Variants in TIMELESS observed in about 807,000 individuals in gnomAD.
TIMELESS encodes the protein protein timeless homolog.
TIMELESS carries 124 observed loss-of-function variants against 164.3 expected under a neutral mutation model. That is an observed-to-expected ratio of 0.75 (90% CI 0.65 to 0.88). TIMELESS has a LOEUF of 0.88. Among genes scored for constraint, TIMELESS ranks in the 40% least tolerant of loss-of-function variants. TIMELESS has a pLI of 0.00. For missense variants in TIMELESS, 1,422 were observed against 1,491.4 expected (o/e 0.95, Z 0.77); for synonymous variants, 564 against 563.4 (o/e 1.00, Z -0.02).
At chr12:56,422,084 T>A (rs1466195291) in intron 20 of TIMELESS, 22 bp downstream of exon 20, 19 of 1,614,000 alleles carry the variant, frequency 1.2e-5, no homozygotes, top group Non-Finnish European at 1.6e-5. Flanking sequence ...TCATAAACTC[T>A]CCAGATCCCA....
intron 26 of TIMELESS, among the ~76,000 whole-genome samples, chr12:56,420,192 G>A (rs757397189): frequency 1.1e-4 from 17 of 150,966 alleles, no homozygotes; most frequent in Non-Finnish European, 2.1e-4. Flanking sequence ...AAGTATACAG[G>A]TTGTACCTAG....
At chr12:56,446,301 C>A (rs946945548) in intron 1 of TIMELESS, among the ~76,000 whole-genome samples, 1 of 152,180 alleles carries the variant, frequency 6.6e-6, no homozygotes, top group Non-Finnish European at 1.5e-5. Context: ...TCATAGTGAT[C>A]GTCTCTGAGA....
intron 6 of TIMELESS, 145 bp from the exon 7 acceptor site, chr12:56,432,669 G>T: frequency 8.6e-7 from 1 of 1,168,648 alleles, no homozygotes; most frequent in Non-Finnish European, 1.2e-6. Context: ...GCTTGGCCGG[G>T]CGCGGTGGCT....
chr12:56,447,920 A>G (rs1868392606), intron 1 of TIMELESS, among the ~76,000 whole-genome samples: 1 of 152,154 alleles, frequency 6.6e-6, no homozygotes, highest in South Asian at 2.1e-4. Flanking sequence ...GTACTGAGAT[A>G]TGAAAGAGGG....
chr12:56,421,451 GA>G lies in TIMELESS; in HGVS notation c.2767del (p.Ser923HisfsTer5), dbSNP rs1332052943. On this transcript the variant is annotated frameshift_variant, in exon 23 of 29. Coordinates refer to ENST00000553532, the MANE Select transcript of TIMELESS (RefSeq NM_003920.5). LOFTEE classifies it high-confidence loss of function. ...HIMKNITAKR[S>X]RARIVDKLLA... is the part of the protein sequence containing the mutation. Reference sequence around the variant, plus strand: ...GAGTTTATCCACTATTCGGGCCCGTGAGCGTTTGGCTGTGATATTCTTCATG... The same window carrying G: ...GAGTTTATCCACTATTCGGGCCCGTGGCGTTTGGCTGTGATATTCTTCATG... The G allele has an allele frequency of 6.2e-7, 1 of 1,614,080 alleles. No homozygotes were observed. Among genetic ancestry groups the G allele is most frequent in the Non-Finnish European group, 8.5e-7 (1 of 1,179,988 alleles).
intron 12 of TIMELESS, 44 bp downstream of exon 12, chr12:56,428,505 C>A (rs745870125): frequency 1.9e-6 from 3 of 1,609,708 alleles, no homozygotes; most frequent in Non-Finnish European, 2.6e-6. Flanking sequence ...ATTCTCATCA[C>A]GAGATGGGAC....
chr12:56,420,330 A>G (rs1254894705), intron 26 of TIMELESS, among the ~76,000 whole-genome samples: 1 of 152,026 alleles, frequency 6.6e-6, no homozygotes, highest in Non-Finnish European at 1.5e-5. Context: ...TATATTTTAA[A>G]AAGATAAATC....
At chr12:56,418,477 A>C (rs1881346697) in intron 26 of TIMELESS, 118 bp from the exon 27 acceptor site, 1 of 692,308 alleles carries the variant, frequency 1.4e-6, no homozygotes. Flanking sequence ...TGTGAACTCT[A>C]TTTATTATAA....
In TIMELESS at chr12:56,422,073, C is replaced by T. The variant is rs370871402; in HGVS notation, c.2524+33G>A. On this transcript the variant is annotated intron_variant, in intron 20 of 28. Transcript: ENST00000553532. Reference sequence around the variant, plus strand: ...AGGTCCCACAGCTCAAGCTGCCCTCCTCATAAACTCTCCAGATCCCAAGGC... The same window carrying T: ...AGGTCCCACAGCTCAAGCTGCCCTCTTCATAAACTCTCCAGATCCCAAGGC... The T allele has an allele frequency of 8.7e-6, 14 of 1,613,770 alleles. No individual in the cohort carries two copies. In the African/African-American group the frequency reaches 1.9e-4, roughly 22 times the overall value.
rs377123913 is a variant in TIMELESS, at chr12:56,432,221, AG to A, written c.687+147del. The A allele has an allele frequency of 1.0e-3, 826 of 810,922 alleles. 15 individuals carry two copies. In the South Asian group the frequency reaches 0.018, roughly 18 times the overall value. The allele number at this position is 810,922 out of a possible 1,614,324, so 50.2% of individuals were successfully genotyped here. On this transcript the variant is annotated intron_variant, in intron 7 of 28. Coordinates refer to ENST00000553532, the MANE Select transcript of TIMELESS (RefSeq NM_003920.5). ...AATCAAGGAAAGAAAACCATGAATA[AG>A]GGGGTACTACTGAACTCAAGACATG... is the stretch of plus-strand genomic sequence containing the variant.
At chr12:56,444,113 G>T (rs1028589172) in intron 1 of TIMELESS, among the ~76,000 whole-genome samples, 1 of 152,106 alleles carries the variant, frequency 6.6e-6, no homozygotes, top group Non-Finnish European at 1.5e-5. Context: ...GGCCAGGCTG[G>T]TCTGGAACAC....
At position 56,417,329 on chromosome 12, in the gene TIMELESS, TCC is replaced by T; in HGVS notation, c.*385_*386del. 1 of 196,902 alleles carries T rather than the reference TCC, an allele frequency of 5.1e-6. No homozygotes were observed. The highest frequency in any genetic ancestry group is 1.1e-4 in the South Asian group (1 of 9,516). The allele number at this position is 196,902 out of a possible 1,614,324, so 12.2% of individuals were successfully genotyped here. ...ACTCCCGCCTGTCATGTCATAAAGC[TCC>T]CCATCTGGTGCTGCGACCCACCTCC... On this transcript the variant is annotated 3_prime_UTR_variant, in exon 29 of 29. Transcript: ENST00000553532.
At chr12:56,428,426 G>C (rs753116055) in intron 12 of TIMELESS, 21 bp from the exon 13 acceptor site, 3 of 1,603,988 alleles carry the variant, frequency 1.9e-6, no homozygotes, top group South Asian at 2.2e-5. Flanking sequence ...GGAAGAGAAA[G>C]GGATGGAAGG....
In TIMELESS at chr12:56,420,809, T is replaced by C; in HGVS notation, c.3109+4A>G. 1.2e-6 allele frequency: 2 copies of C among 1,614,152 alleles called. No individual in the cohort carries two copies. Among genetic ancestry groups the C allele is most frequent in the Non-Finnish European group, 1.7e-6 (2 of 1,180,028 alleles). ...TCTCCTAAAAGTGTCACCTGTCCAC[T>C]CACCATCCTCTTCCCGATCATCAGC... On this transcript the variant is annotated splice_donor_region_variant and intron_variant, in intron 25 of 28. Transcript: ENST00000553532.
rs58963383 is a variant in TIMELESS, at chr12:56,441,976, C to T, written c.-62+7334G>A. 8.7e-3 allele frequency among the ~76,000 whole-genome samples: 1,285 copies of T among 147,226 alleles called. 20 individuals carry two copies. The highest frequency in any genetic ancestry group is 0.03 in the African/African-American group (1,209 of 39,782). ...GCGGGTGCCTGTAATCCCAGCTCCT[C>T]GGGAGGCTGAGGCAGGAGAATCACT... On this transcript the variant is annotated intron_variant, in intron 1 of 28. Coordinates refer to ENST00000553532, the MANE Select transcript of TIMELESS (RefSeq NM_003920.5).
chr12:56,418,020 A>G lies in TIMELESS; in HGVS notation c.3455-12T>C, dbSNP rs1881325072. On this transcript the variant is annotated splice_polypyrimidine_tract_variant and intron_variant, in intron 27 of 28. Coordinates refer to ENST00000553532, the MANE Select transcript of TIMELESS (RefSeq NM_003920.5). ...AACAGCGTCTTCCTCTGCAATGACC[A>G]TAAATGACACAAAATTAGGAACTCG... The G allele has an allele frequency of 1.2e-6, 2 of 1,614,078 alleles. No individual in the cohort carries two copies. The highest frequency in any genetic ancestry group is 2.7e-5 in the African/African-American group (2 of 74,914).
At chr12:56,443,205 G>A (rs144015222) in intron 1 of TIMELESS, among the ~76,000 whole-genome samples, 219 of 152,254 alleles carry the variant, frequency 1.4e-3, no homozygotes, top group African/African-American at 4.9e-3. Flanking sequence ...GCCTATAAAC[G>A]ACATGTGAGT....
Position 56,418,168 on chromosome 12 carries a change from G to A in TIMELESS, c.3420C>T (p.Ala1140=). 6.2e-7 allele frequency: 1 copy of A among 1,614,198 alleles called. No homozygotes were observed. The highest frequency in any genetic ancestry group is 8.5e-7 in the Non-Finnish European group (1 of 1,180,038). ...RAQALRALLL[A]HKKKAGLASP... is the part of the protein sequence containing the mutation. Reference sequence around the variant, plus strand: ...ATGCCAGGCCCGCTTTCTTCTTGTGGGCTAGCAAGAGGGCCCTCAGGGCTT... The same window carrying A: ...ATGCCAGGCCCGCTTTCTTCTTGTGAGCTAGCAAGAGGGCCCTCAGGGCTT... The change falls in exon 27 of 29, where the codon GCC becomes GCT. Residue 1140 remains alanine, a synonymous_variant. Transcript: ENST00000553532.
chr12:56,417,883 A>G, intron 28 of TIMELESS, 24 bp downstream of exon 28: 7 of 1,614,046 alleles, frequency 4.3e-6, no homozygotes, highest in Non-Finnish European at 4.2e-6. Flanking sequence ...GAGAAGAAAA[A>G]GAAGGTCCCA....
Sources: gnomAD v4.1 joint callset for allele counts (sites outside exome capture counted in the v4.1 genomes callset) on GRCh38, gnomAD v4.1.1 for gene constraint, MANE v1.5 for transcripts, NCBI Gene and HGNC (gene_info 2026-07-23, HGNC 2026-07-21) for gene names.